The following IL1RAPL2 variants were observed in gnomAD, a reference collection of about 807,000 sequenced individuals.
IL1RAPL2 encodes X-linked interleukin-1 receptor accessory protein-like 2.
A neutral mutation model predicts 44.1 loss-of-function variants in IL1RAPL2; 3 were observed. The observed-to-expected ratio is 0.07, with a 90% confidence interval of 0.03 to 0.18. IL1RAPL2 has a LOEUF of 0.18. IL1RAPL2 is among the 10% of genes least tolerant of loss of function. The pLI, the probability that IL1RAPL2 is intolerant of heterozygous loss-of-function variation, is 1.00. For synonymous variants in IL1RAPL2, 181 were observed against 178.8 expected, an observed-to-expected ratio of 1.01 and a Z score of -0.10; for missense variants, 391 against 496.4, an observed-to-expected ratio of 0.79 and a Z score of 2.02.
intron 6 of IL1RAPL2, among the ~76,000 whole-genome samples, chrX:105,551,998 CG>C (rs2036860676): frequency 9.2e-6 from 1 of 109,276 alleles, no homozygotes; most frequent in African/African-American, 3.3e-5. Context: ...CCCAGCTACT[CG>C]CGAGGCTGAG....
At chrX:104,908,556 C>G (rs975248226) in intron 2 of IL1RAPL2, among the ~76,000 whole-genome samples, 1 of 111,026 alleles carries the variant, frequency 9.0e-6, no homozygotes, top group Non-Finnish European at 1.9e-5. Flanking sequence ...TTCTCCTTCA[C>G]TTATGAAGCT....
intron 2 of IL1RAPL2, among the ~76,000 whole-genome samples, chrX:105,015,697 T>C (rs1352842913): frequency 2.7e-5 from 3 of 111,882 alleles, no homozygotes; most frequent in East Asian, 2.8e-4. Flanking sequence ...ACCAGTACTA[T>C]GCTATTTTGG....
intron 2 of IL1RAPL2, among the ~76,000 whole-genome samples, chrX:104,966,378 A>G (rs764021739): frequency 8.9e-6 from 1 of 111,734 alleles, no homozygotes; most frequent in East Asian, 2.8e-4. Context: ...ATTGAAAGTA[A>G]AAGGATGGAT....
At chrX:105,013,394 T>C (rs1488569043) in intron 2 of IL1RAPL2, among the ~76,000 whole-genome samples, 1 of 110,843 alleles carries the variant, frequency 9.0e-6, no homozygotes, top group Non-Finnish European at 1.9e-5. Flanking sequence ...ATCCTGATAC[T>C]GTTCCACAAG....
At chrX:105,039,954 G>A (rs1186403032) in intron 2 of IL1RAPL2, among the ~76,000 whole-genome samples, 3 of 110,521 alleles carry the variant, frequency 2.7e-5, no homozygotes, top group Non-Finnish European at 5.7e-5. Flanking sequence ...TCCCTGTCTT[G>A]TGCCAGTTTT....
intron 1 of IL1RAPL2, among the ~76,000 whole-genome samples, chrX:104,612,788 A>G (rs1436054288): frequency 1.8e-5 from 2 of 111,581 alleles, no homozygotes; most frequent in Admixed American, 9.6e-5. Context: ...TTTTAATGAT[A>G]TTGATTCTTC....
intron 6 of IL1RAPL2, among the ~76,000 whole-genome samples, chrX:105,637,586 A>C (rs1008844461): frequency 2.2e-5 from 2 of 92,223 alleles, no homozygotes; most frequent in African/African-American, 7.5e-5. Flanking sequence ...TCTTAGTATT[A>C]AATTATTTGC....
intron 5 of IL1RAPL2, among the ~76,000 whole-genome samples, chrX:105,465,489 C>G (rs186588683): frequency 1.3e-4 from 15 of 111,558 alleles, no homozygotes; most frequent in Non-Finnish European, 2.8e-4. Context: ...ATTTATTTTC[C>G]TCTGTTATTA....
At position 105,532,830 on chromosome X, in the gene IL1RAPL2, A is replaced by C. The variant is rs771883998; in HGVS notation, c.772+48443A>C. ...TTTTTGTTTCATGAAAGGTATTACA[A>C]GGTATTTCATATATACATACACCTC... is the stretch of plus-strand genomic sequence containing the variant. On this transcript the variant is annotated intron_variant, in intron 6 of 10. Coordinates refer to ENST00000372582, the MANE Select transcript of IL1RAPL2 (RefSeq NM_017416.2). 6.3e-5 allele frequency among the ~76,000 whole-genome samples: 7 copies of C among 111,434 alleles called. No individual in the cohort carries two copies. The Admixed American group carries it at 6.7e-4, about 11-fold the overall frequency.
At chrX:104,908,989 C>T (rs1275075822) in intron 2 of IL1RAPL2, among the ~76,000 whole-genome samples, 16 of 110,434 alleles carry the variant, frequency 1.4e-4, no homozygotes, top group Non-Finnish European at 2.1e-4. Context: ...ACCAATCAGA[C>T]GTAGATTTGG....
chrX:104,585,975 G>A (rs761060861), intron 1 of IL1RAPL2, among the ~76,000 whole-genome samples: 9 of 111,438 alleles, frequency 8.1e-5, no homozygotes, highest in South Asian at 3.8e-4. Flanking sequence ...TGGGATTGCC[G>A]TGTTGAGTGG....
intron 1 of IL1RAPL2, among the ~76,000 whole-genome samples, chrX:104,628,761 A>G (rs1306308387): frequency 2.7e-5 from 3 of 112,118 alleles, no homozygotes; most frequent in Non-Finnish European, 5.6e-5. Flanking sequence ...CACCAAGGGT[A>G]TAAGAGTTCT....
At chrX:105,561,183 G>A (rs1349704110) in intron 6 of IL1RAPL2, among the ~76,000 whole-genome samples, 1 of 111,320 alleles carries the variant, frequency 9.0e-6, no homozygotes, top group Admixed American at 9.6e-5. Context: ...GGGTATTGCA[G>A]TACTCTGAGA....
intron 2 of IL1RAPL2, among the ~76,000 whole-genome samples, chrX:104,796,611 C>T (rs765387596): frequency 8.9e-6 from 1 of 112,145 alleles, no homozygotes; most frequent in East Asian, 2.8e-4. Flanking sequence ...GATATCTGAA[C>T]CCAGCTTTGG....
At chrX:105,042,790 G>T (rs1379626513) in intron 2 of IL1RAPL2, among the ~76,000 whole-genome samples, 1 of 107,990 alleles carries the variant, frequency 9.3e-6, no homozygotes, top group Admixed American at 1.0e-4. Context: ...TATGTTTATT[G>T]CGGCACTATT....
At chrX:105,008,046 C>T (rs866297219) in intron 2 of IL1RAPL2, among the ~76,000 whole-genome samples, 3 of 1,040 alleles carry the variant, frequency 2.9e-3, no homozygotes, top group Middle Eastern at 0.67. Flanking sequence ...CTGCTACAAC[C>T]GTATACTACA....
At chrX:104,987,172 C>A in intron 2 of IL1RAPL2, among the ~76,000 whole-genome samples, 1 of 111,471 alleles carries the variant, frequency 9.0e-6, no homozygotes, top group Non-Finnish European at 1.9e-5. Flanking sequence ...ACAATAAGCA[C>A]AAAATTGTCT....
intron 5 of IL1RAPL2, among the ~76,000 whole-genome samples, chrX:105,312,240 A>T (rs1211276444): frequency 1.8e-5 from 2 of 111,963 alleles, no homozygotes; most frequent in African/African-American, 6.5e-5. Flanking sequence ...CTCTAATAAA[A>T]CATGAAATAA....
chrX:105,080,363 T>C (rs2032386405), intron 2 of IL1RAPL2, among the ~76,000 whole-genome samples: 1 of 112,315 alleles, frequency 8.9e-6, no homozygotes, highest in African/African-American at 3.2e-5. Flanking sequence ...GACTTACGTT[T>C]AATTCTTTAA....
Sources: allele counts gnomAD v4.1 joint callset (sites outside exome capture counted in the v4.1 genomes callset), GRCh38; gene constraint gnomAD v4.1.1; transcripts MANE v1.5; gene names NCBI Gene and HGNC (gene_info 2026-07-23, HGNC 2026-07-21).